PDZRN3: variants seen among roughly 807,000 people sequenced by gnomAD.
PDZRN3 encodes E3 ubiquitin-protein ligase PDZRN3.
A neutral mutation model predicts 85.7 loss-of-function variants in PDZRN3; 38 were observed. That is an observed-to-expected ratio of 0.44 (90% CI 0.34 to 0.58). PDZRN3 has a LOEUF of 0.58. Among genes scored for constraint, PDZRN3 ranks in the 20% least tolerant of loss-of-function variants. PDZRN3 has a pLI of 0.01. For missense variants in PDZRN3, 1,629 were observed against 1,506.4 expected, an observed-to-expected ratio of 1.08 and a Z score of -1.35; for synonymous variants, 759 against 638.0, an observed-to-expected ratio of 1.19 and a Z score of -2.86.
At chr3:73,524,259 T>TA (rs1704466715) in intron 3 of PDZRN3, among the ~76,000 whole-genome samples, 1 of 152,206 alleles carries the variant, frequency 6.6e-6, no homozygotes, top group Non-Finnish European at 1.5e-5. Flanking sequence ...GCTGCAAACT[T>TA]AAAGTTGAGG....
rs571529991 is a variant in PDZRN3 at position 73,606,048 on chromosome 3, C to G, written c.810+2550G>C. Among the ~76,000 whole-genome samples the G allele has an allele frequency of 5.9e-5, 9 of 152,370 alleles. No individual in the cohort carries two copies. The East Asian group carries it at 7.7e-4, about 13-fold the overall frequency. On this transcript the variant is annotated intron_variant, in intron 2 of 9. Coordinates refer to ENST00000263666, the MANE Select transcript of PDZRN3 (RefSeq NM_015009.3). ...GTGTGGAAACTGAACACCATCTTCA[C>G]TGGCTTTAACACAGTAGGTTTCCCA...
chr3:73,550,576 A>G (rs1701530880), intron 3 of PDZRN3, among the ~76,000 whole-genome samples: 1 of 152,224 alleles, frequency 6.6e-6, no homozygotes, highest in African/African-American at 2.4e-5. Flanking sequence ...GTGCAGCTTC[A>G]AGCCAAATCT....
At chr3:73,419,727 T>C (rs1450634783) in intron 3 of PDZRN3, among the ~76,000 whole-genome samples, 2 of 152,232 alleles carry the variant, frequency 1.3e-5, no homozygotes, top group Non-Finnish European at 2.9e-5. Context: ...TACCATCCGC[T>C]GAGTATGTCC....
At chr3:73,401,540 G>T (rs1701749394) in intron 4 of PDZRN3, among the ~76,000 whole-genome samples, 1 of 152,194 alleles carries the variant, frequency 6.6e-6, no homozygotes, top group African/African-American at 2.4e-5. Context: ...CAAACGTACA[G>T]TATGCACTTA....
At chr3:73,503,916 T>C (rs545907425) in intron 3 of PDZRN3, among the ~76,000 whole-genome samples, 1 of 152,202 alleles carries the variant, frequency 6.6e-6, no homozygotes, top group Non-Finnish European at 1.5e-5. Context: ...GATGTGTTTT[T>C]GTATCATGCA....
chr3:73,488,385 G>A (rs937572177), intron 3 of PDZRN3, among the ~76,000 whole-genome samples: 13 of 152,130 alleles, frequency 8.5e-5, no homozygotes, highest in South Asian at 2.1e-4. Flanking sequence ...TAGTCCCCAG[G>A]CCCCAGTCAC....
Position 73,384,839 on chromosome 3 carries a change from T to C in PDZRN3, c.1727A>G (p.Glu576Gly). 2 of 1,614,200 alleles carry C rather than the reference T, an allele frequency of 1.2e-6. No homozygotes were observed. The highest frequency in any genetic ancestry group is 1.7e-6 in the Non-Finnish European group (2 of 1,180,042). Residue 576 changes from glutamate to glycine, a missense_variant, in exon 10 of 10, where the codon GAG becomes GGG. Physicochemically the swap from Glu to Gly is moderately conservative, Grantham distance 98. Coordinates refer to ENST00000263666, the MANE Select transcript of PDZRN3 (RefSeq NM_015009.3). ...EKDSGVGRTD[E>G]STRNDESSEQ... ...CGAGCTCTCGTCATTACGGGTGCTC[T>C]CGTCGGTCCGCCCCACACCGCTGTC...
chr3:73,488,212 C>A (rs147857272), intron 3 of PDZRN3, among the ~76,000 whole-genome samples: 1 of 152,234 alleles, frequency 6.6e-6, no homozygotes, highest in Non-Finnish European at 1.5e-5. Flanking sequence ...GGGATTAAAG[C>A]CTCTGCCTTT....
Position 73,573,586 on chromosome 3 carries a change from C to A in PDZRN3, c.918+28768G>T, listed in dbSNP as rs567001992. ...GTAGCTGCAACAAAGACTGCATGACCCCCAAAGCTGAAAACATTTACCATC... is the reference window on the plus strand; with the variant it reads ...GTAGCTGCAACAAAGACTGCATGACACCCAAAGCTGAAAACATTTACCATC... On this transcript the variant is annotated intron_variant, in intron 3 of 9. Coordinates refer to ENST00000263666, the MANE Select transcript of PDZRN3 (RefSeq NM_015009.3). Among the ~76,000 whole-genome samples, 19 of 152,254 alleles carry A rather than the reference C, an allele frequency of 1.2e-4. No homozygotes were observed. In the South Asian group the frequency reaches 3.7e-3, roughly 30 times the overall value.
At chr3:73,620,523 T>C (rs942491610) in intron 1 of PDZRN3, among the ~76,000 whole-genome samples, 3 of 152,042 alleles carry the variant, frequency 2.0e-5, no homozygotes, top group African/African-American at 7.2e-5. Context: ...AGATCAGAGA[T>C]GCCTGTCTAG....
intron 1 of PDZRN3, among the ~76,000 whole-genome samples, chr3:73,623,243 C>T (rs942065070): frequency 2.0e-5 from 3 of 152,230 alleles, no homozygotes; most frequent in Non-Finnish European, 4.4e-5. Context: ...TGACAAAAAC[C>T]TTTCGCACTG....
intron 3 of PDZRN3, among the ~76,000 whole-genome samples, chr3:73,448,998 G>A (rs1418436201): frequency 6.6e-6 from 1 of 152,176 alleles, no homozygotes; most frequent in Non-Finnish European, 1.5e-5. Context: ...TGATTTTCAT[G>A]GGACTTTGAA....
At chr3:73,585,237 A>G (rs573807809) in intron 3 of PDZRN3, among the ~76,000 whole-genome samples, 81 of 152,332 alleles carry the variant, frequency 5.3e-4, no homozygotes, top group African/African-American at 1.7e-3. Context: ...AAAACAGATC[A>G]GAAATGTCTA....
intron 3 of PDZRN3, among the ~76,000 whole-genome samples, chr3:73,442,133 T>G (rs987998152): frequency 1.8e-4 from 27 of 152,194 alleles, no homozygotes; most frequent in African/African-American, 6.0e-4. Flanking sequence ...GGGGGTTCCC[T>G]GCTGGGCTCC....
chr3:73,570,914 CT>C (rs1702036179), intron 3 of PDZRN3, among the ~76,000 whole-genome samples: 1 of 152,164 alleles, frequency 6.6e-6, no homozygotes, highest in African/African-American at 2.4e-5. Context: ...ATAAATACAT[CT>C]GCTTTTGCTT....
At chr3:73,522,264 T>A (rs1704386453) in intron 3 of PDZRN3, among the ~76,000 whole-genome samples, 1 of 152,200 alleles carries the variant, frequency 6.6e-6, no homozygotes, top group African/African-American at 2.4e-5. Context: ...AATGTGGAGA[T>A]ACACATGAGA....
chr3:73,459,938 C>A (rs1703070092), intron 3 of PDZRN3, among the ~76,000 whole-genome samples: 1 of 152,150 alleles, frequency 6.6e-6, no homozygotes, highest in Admixed American at 6.5e-5. Flanking sequence ...TCCATGCATG[C>A]CTTTTCACTA....
At chr3:73,415,090 G>C (rs1199955610) in intron 3 of PDZRN3, among the ~76,000 whole-genome samples, 1 of 152,194 alleles carries the variant, frequency 6.6e-6, no homozygotes, top group African/African-American at 2.4e-5. Context: ...CAATATAGTG[G>C]TGGGCAAGAC....
intron 3 of PDZRN3, among the ~76,000 whole-genome samples, chr3:73,495,161 T>C (rs1703844234): frequency 6.6e-6 from 1 of 152,330 alleles, no homozygotes; most frequent in Middle Eastern, 3.4e-3. Flanking sequence ...AATGTAACAA[T>C]CACTTTACCC....
Sources: gnomAD v4.1 joint callset for allele counts (sites outside exome capture counted in the v4.1 genomes callset) on GRCh38, gnomAD v4.1.1 for gene constraint, MANE v1.5 for transcripts, NCBI Gene and HGNC (gene_info 2026-07-23, HGNC 2026-07-21) for gene names.